The following ANLN variants were observed in gnomAD, a reference collection of about 807,000 sequenced individuals.
ANLN encodes the protein anillin, actin binding protein, also known as anillin.
Under a neutral mutation model 135.1 loss-of-function variants are expected in ANLN, and 59 were observed. The observed-to-expected ratio is 0.44, with a 90% CI of 0.35 to 0.54. The LOEUF (loss-of-function observed/expected upper bound fraction) is 0.54, where lower values mean the gene tolerates loss of function less well. Ranked by LOEUF, ANLN falls within the 20% of genes least tolerant of loss-of-function variation. The pLI is 0.00. For missense variants in ANLN, 1,182 were observed against 1,340.0 expected (o/e 0.88, Z 1.84); for synonymous variants, 406 against 456.4 (o/e 0.89, Z 1.41).
chr7:36,440,864 T>C (rs1209519453), intron 21 of ANLN, among the ~76,000 whole-genome samples: 5 of 152,224 alleles, frequency 3.3e-5, no homozygotes. Flanking sequence ...CTTGCTTTGG[T>C]GTTCTCTGTG....
In ANLN at chr7:36,396,376, A is replaced by G. The variant is rs779706637; in HGVS notation, c.129A>G (p.Pro43=). Residue 43 remains proline, a synonymous_variant, in exon 2 of 24, where the codon CCA becomes CCG. Coordinates refer to ENST00000265748, the MANE Select transcript of ANLN (RefSeq NM_018685.5). ...SMTHAKRARQ[P]LSEASNQQPL... ...CTCATGCTAAGCGAGCTAGACAGCCACTTTCAGAAGCAAGTAACCAGCAGC... is the reference window on the plus strand; with the variant it reads ...CTCATGCTAAGCGAGCTAGACAGCCGCTTTCAGAAGCAAGTAACCAGCAGC... The G allele has an allele frequency of 1.2e-6, 2 of 1,601,758 alleles. No homozygotes were observed. Among genetic ancestry groups the G allele is most frequent in the East Asian group, 4.5e-5 (2 of 44,648 alleles).
rs1647084769 is a variant in ANLN, at chr7:36,426,001, T to G, written c.2749-14T>G. On this transcript the variant is annotated splice_polypyrimidine_tract_variant and intron_variant, in intron 18 of 23. Coordinates refer to ENST00000265748, the MANE Select transcript of ANLN (RefSeq NM_018685.5). ...ACTTATGTTTCTTCTTCACACCTTTTTTTTTTTTTTTAGAAAAGCAACATT... is the reference window on the plus strand; with the variant it reads ...ACTTATGTTTCTTCTTCACACCTTTGTTTTTTTTTTTAGAAAAGCAACATT... 5.4e-6 allele frequency: 8 copies of G among 1,484,910 alleles called. No individual in the cohort carries two copies. The highest frequency in any genetic ancestry group is 7.3e-6 in the Non-Finnish European group (8 of 1,102,866). 92.0% of individuals were successfully genotyped at this position (1,484,910 alleles called of 1,614,324 possible). A position where few individuals can be genotyped will look rare whatever the true frequency, so the allele number is the denominator to read the frequency against.
intron 7 of ANLN, among the ~76,000 whole-genome samples, chr7:36,415,016 A>T (rs1787582971): frequency 6.6e-6 from 1 of 152,246 alleles, no homozygotes; most frequent in African/African-American, 2.4e-5. Context: ...GCTCTGTATA[A>T]GTATTAGCTG....
chr7:36,430,806 G>T (rs1472477727), intron 20 of ANLN, among the ~76,000 whole-genome samples: 2 of 152,086 alleles, frequency 1.3e-5, no homozygotes, highest in Non-Finnish European at 2.9e-5. Context: ...CAGTCTCCCT[G>T]GTTGTAGGTT....
At chr7:36,409,196 T>C (rs1787312096) in intron 5 of ANLN, among the ~76,000 whole-genome samples, 1 of 152,246 alleles carries the variant, frequency 6.6e-6, no homozygotes, top group Admixed American at 6.5e-5. Flanking sequence ...TCTTGGCTAC[T>C]GGATATACCC....
In ANLN at chr7:36,425,659, T is replaced by C. The variant is rs752783444; in HGVS notation, c.2710-43T>C. 1.3e-5 allele frequency: 19 copies of C among 1,422,380 alleles called. No individual in the cohort carries two copies. In the Middle Eastern group the frequency reaches 6.3e-4, roughly 47 times the overall value. The allele number at this position is 1,422,380 out of a possible 1,614,324, so 88.1% of individuals were successfully genotyped here. A position where few individuals can be genotyped will look rare whatever the true frequency, so the allele number is the denominator to read the frequency against. On this transcript the variant is annotated intron_variant, in intron 17 of 23. Coordinates refer to ENST00000265748, the MANE Select transcript of ANLN (RefSeq NM_018685.5). Reference sequence around the variant, plus strand: ...GATAGTTTTACTTTCTGAGACATAATGTTTAATAAGAAATATATATAGTAA... The same window carrying C: ...GATAGTTTTACTTTCTGAGACATAACGTTTAATAAGAAATATATATAGTAA...
At chr7:36,405,031 T>A (rs1304723961) in intron 3 of ANLN, among the ~76,000 whole-genome samples, 2 of 152,242 alleles carry the variant, frequency 1.3e-5, no homozygotes, top group Non-Finnish European at 2.9e-5. Context: ...TACTGTATGG[T>A]CATATACCAC....
intron 19 of ANLN, among the ~76,000 whole-genome samples, chr7:36,426,463 TG>T (rs1335341155): frequency 6.6e-6 from 1 of 152,156 alleles, no homozygotes; most frequent in Non-Finnish European, 1.5e-5. Context: ...TTCTTTAGAA[TG>T]ACTTTAGGCC....
chr7:36,451,243 A>T (rs1490731582), intron 23 of ANLN, among the ~76,000 whole-genome samples: 1 of 152,130 alleles, frequency 6.6e-6, no homozygotes, highest in Non-Finnish European at 1.5e-5. Context: ...AATTTAATGT[A>T]CCTCATTTTC....
intron 1 of ANLN, chr7:36,390,321 T>C (rs1425427549): frequency 9.6e-6 from 5 of 522,794 alleles, no homozygotes; most frequent in African/African-American, 7.7e-5. Flanking sequence ...GCCCCCGTTT[T>C]TACCATGTCC....
chr7:36,449,866 C>G, intron 23 of ANLN, 29 bp downstream of exon 23: 1 of 1,599,990 alleles, frequency 6.3e-7, no homozygotes, highest in Non-Finnish European at 8.5e-7. Context: ...ATATTTCTAT[C>G]AACTAAGCAA....
Position 36,449,781 on chromosome 7 carries a change from A to C in ANLN, c.3195A>C (p.Arg1065Ser). The change falls in exon 23 of 24, where the codon AGA becomes AGC. Residue 1065 changes from arginine (R) to serine (S), a missense_variant. This residue lies in a region of ANLN where 78 missense variants were observed against 72.7 expected (regional missense o/e 1.07). Transcript: ENST00000265748. ...TFELITVRPQREDDRETLVSQ... is the reference protein window; with the variant it reads ...TFELITVRPQSEDDRETLVSQ... Reference sequence around the variant, plus strand: ...AATTAATTACTGTCCGACCACAAAGAGAAGATGACCGAGAGACTCTTGTCA... The same window carrying C: ...AATTAATTACTGTCCGACCACAAAGCGAAGATGACCGAGAGACTCTTGTCA... 1 of 1,614,158 alleles carries C rather than the reference A, an allele frequency of 6.2e-7. No individual in the cohort carries two copies. Among genetic ancestry groups the C allele is most frequent in the Non-Finnish European group, 8.5e-7 (1 of 1,179,990 alleles).
At position 36,399,322 on chromosome 7, in the gene ANLN, C is replaced by A. The variant is rs539695167; in HGVS notation, c.416C>A (p.Ala139Asp). 3 of 1,613,892 alleles carry A rather than the reference C, an allele frequency of 1.9e-6. No individual in the cohort carries two copies. Among genetic ancestry groups the A allele is most frequent in the Admixed American group, 1.7e-5 (1 of 59,964 alleles). Residue 139 changes from alanine (A) to aspartate (D), a missense_variant, in exon 3 of 24, where the codon GCC (alanine) becomes GAC (aspartate). Physicochemically the swap from Ala to Asp is moderately radical, Grantham distance 126. Around this residue, in one of 3 missense-constraint regions of ANLN, gnomAD observed 1,022 missense variants for 1,134.0 expected, o/e 0.90. Coordinates refer to ENST00000265748, the MANE Select transcript of ANLN (RefSeq NM_018685.5). ...GLNSRLEATA[A>D]SSVKTRMQKL... is the part of the protein sequence containing the mutation. Reference sequence around the variant, plus strand: ...AACTCAAGATTGGAAGCAACTGCAGCCTCCTCAGTTAAAACACGTATGCAA... The same window carrying A: ...AACTCAAGATTGGAAGCAACTGCAGACTCCTCAGTTAAAACACGTATGCAA...
chr7:36,450,918 A>C (rs1006697376), intron 23 of ANLN, among the ~76,000 whole-genome samples: 2 of 152,080 alleles, frequency 1.3e-5, no homozygotes, highest in African/African-American at 4.8e-5. Flanking sequence ...ACTCTCTTAG[A>C]CTTCTCCGTA....
chr7:36,416,310 C>T (rs147816557), intron 8 of ANLN, among the ~76,000 whole-genome samples: 73 of 152,292 alleles, frequency 4.8e-4, no homozygotes, highest in African/African-American at 1.7e-3. Flanking sequence ...TCAGCCACTG[C>T]GCCCAGCCCA....
In ANLN at chr7:36,422,613, T is replaced by C; in HGVS notation, c.2300-20T>C. ...ACAGTTACGATTTTAATATTTGGAATATTGCGTTGTTTTACATAGCTGGGA... is the reference window on the plus strand; with the variant it reads ...ACAGTTACGATTTTAATATTTGGAACATTGCGTTGTTTTACATAGCTGGGA... On this transcript the variant is annotated intron_variant, in intron 13 of 23. Coordinates refer to ENST00000265748, the MANE Select transcript of ANLN (RefSeq NM_018685.5). 1.9e-6 allele frequency: 3 copies of C among 1,564,618 alleles called. No homozygotes were observed. The highest frequency in any genetic ancestry group is 2.6e-6 in the Non-Finnish European group (3 of 1,161,116).
rs1040486220 is a variant in ANLN, at chr7:36,450,926, G to A, written c.3251+1089G>A. The stretch of plus-strand genomic sequence containing the variant: ...TGCGTAAACTCTCTTAGACTTCTCC[G>A]TAGACCTTCCCCTGTGATAAAAATA... On this transcript the variant is annotated intron_variant, in intron 23 of 23. Coordinates refer to ENST00000265748, the MANE Select transcript of ANLN (RefSeq NM_018685.5). Among the ~76,000 whole-genome samples, 4 of 152,040 alleles carry A rather than the reference G, an allele frequency of 2.6e-5. No homozygotes were observed. In the East Asian group the frequency reaches 7.7e-4, roughly 29 times the overall value.
At chr7:36,444,656 A>T (rs1473674622) in intron 22 of ANLN, among the ~76,000 whole-genome samples, 1 of 152,176 alleles carries the variant, frequency 6.6e-6, no homozygotes, top group African/African-American at 2.4e-5. Context: ...CCCAAACTGG[A>T]AAATAGAAAT....
intron 20 of ANLN, chr7:36,428,285 T>C (rs1370225317): frequency 8.1e-7 from 1 of 1,231,494 alleles, no homozygotes; most frequent in Admixed American, 2.8e-5. Context: ...TTTTTCTCTG[T>C]CTCTTATTTT....
Sources: allele counts gnomAD v4.1 joint callset (sites outside exome capture counted in the v4.1 genomes callset), GRCh38; gene constraint gnomAD v4.1.1; regional missense constraint gnomAD v4.1.1; transcripts MANE v1.5; gene names NCBI Gene and HGNC (gene_info 2026-07-23, HGNC 2026-07-21).